Variants in RBFOX1 observed in about 807,000 individuals in gnomAD.
RBFOX1 encodes RNA binding fox-1 homolog 1.
A neutral mutation model predicts 57.7 loss-of-function variants in RBFOX1; 8 were observed. The observed-to-expected ratio is 0.14, with a 90% CI of 0.08 to 0.25. RBFOX1 has a LOEUF of 0.25. Ranked by LOEUF, RBFOX1 falls within the 10% of genes least tolerant of loss-of-function variation. The pLI is 1.00. For missense variants in RBFOX1, 611 were observed against 548.5 expected, an observed-to-expected ratio of 1.11 and a Z score of -1.14; for synonymous variants, 326 against 222.4, an observed-to-expected ratio of 1.47 and a Z score of -4.15.
chr16:6,697,202 A>G (rs904525446), intron 3 of RBFOX1, among the ~76,000 whole-genome samples: 4 of 152,208 alleles, frequency 2.6e-5, no homozygotes, highest in Admixed American at 2.0e-4. Context: ...TAATATGTAT[A>G]TATGGTATAG....
intron 4 of RBFOX1, among the ~76,000 whole-genome samples, chr16:7,133,774 C>G (rs964045390): frequency 6.6e-6 from 1 of 152,018 alleles, no homozygotes; most frequent in Non-Finnish European, 1.5e-5. Context: ...AATAATTGAT[C>G]TGCCATGAAA....
At chr16:7,109,845 G>A (rs551433103) in intron 4 of RBFOX1, among the ~76,000 whole-genome samples, 6 of 152,268 alleles carry the variant, frequency 3.9e-5, no homozygotes, top group African/African-American at 1.2e-4. Context: ...GTGATGAGGT[G>A]AGGTGCTAGG....
chr16:6,721,385 G>A (rs1314277426), intron 3 of RBFOX1, among the ~76,000 whole-genome samples: 1 of 152,198 alleles, frequency 6.6e-6, no homozygotes, highest in Non-Finnish European at 1.5e-5. Context: ...GGAGGTTACA[G>A]TGAGCCGAGA....
intron 1 of RBFOX1, among the ~76,000 whole-genome samples, chr16:5,409,000 A>C (rs1204863478): frequency 6.6e-6 from 1 of 152,212 alleles, no homozygotes; most frequent in Non-Finnish European, 1.5e-5. Context: ...GGCGACAAAT[A>C]TACAAACTGT....
At chr16:7,517,138 CGTGTGTGT>C (rs200887129) in intron 4 of RBFOX1, among the ~76,000 whole-genome samples, 20,878 of 130,014 alleles carry the variant, frequency 0.16, 1,717 homozygotes, top group African/African-American at 0.2. Context: ...TTTCTTATGC[CGTGTGTGT>C]GTGTGTGTGT....
intron 14 of RBFOX1, among the ~76,000 whole-genome samples, chr16:7,679,054 G>A (rs954675152): frequency 6.6e-6 from 1 of 152,136 alleles, no homozygotes; most frequent in African/African-American, 2.4e-5. Flanking sequence ...TTTATCATAA[G>A]CAAGACACTT....
chr16:6,205,853 C>T lies in RBFOX1; in HGVS notation c.-126-111142C>T, dbSNP rs952855403. On this transcript the variant is annotated intron_variant, in intron 1 of 15. Transcript: ENST00000550418. ...GCATTTCCCTTTGAACAAGAGCCTA[C>T]GAGATCATACTTTTTTTTTTTTTTT... Among the ~76,000 whole-genome samples the T allele has an allele frequency of 9.5e-5, 12 of 126,656 alleles. No individual in the cohort carries two copies. In the East Asian group the frequency reaches 1.2e-3, roughly 12 times the overall value. The allele number at this position is 126,656 out of a possible 152,430, so 83.1% of individuals were successfully genotyped here. A position where few individuals can be genotyped will look rare whatever the true frequency, so the allele number is the denominator to read the frequency against.
At chr16:6,384,373 T>G (rs1270441331) in intron 2 of RBFOX1, among the ~76,000 whole-genome samples, 2 of 152,170 alleles carry the variant, frequency 1.3e-5, no homozygotes, top group African/African-American at 4.8e-5. Context: ...CCCTGCCCCC[T>G]GTTTTGCATT....
In RBFOX1 at chr16:6,898,530, G is replaced by C. The variant is rs978543780; in HGVS notation, c.-15-153527G>C. 3.9e-5 allele frequency among the ~76,000 whole-genome samples: 6 copies of C among 152,128 alleles called. No homozygotes were observed. In the South Asian group the frequency reaches 1.2e-3, roughly 32 times the overall value. On this transcript the variant is annotated intron_variant, in intron 3 of 15. Coordinates refer to ENST00000550418, the MANE Select transcript of RBFOX1 (RefSeq NM_018723.4). The stretch of plus-strand genomic sequence containing the variant: ...ACAAACTGAAAAACAAAGTACAGAC[G>C]CAAAGGAAACAGAACATGGATTCTG...
At position 6,797,096 on chromosome 16, in the gene RBFOX1, C is replaced by G. The variant is rs183756452; in HGVS notation, c.-16+142446C>G. ...CAAATAAATAGAGTAACACATCGAT[C>G]CTCCCACAGGTAGAAGGCTCTGCTG... On this transcript the variant is annotated intron_variant, in intron 3 of 15. Coordinates refer to ENST00000550418, the MANE Select transcript of RBFOX1 (RefSeq NM_018723.4). 7.2e-5 allele frequency among the ~76,000 whole-genome samples: 11 copies of G among 152,232 alleles called. No individual in the cohort carries two copies. The East Asian group carries it at 1.2e-3, about 16-fold the overall frequency.
At chr16:5,925,581 C>G (rs538960655) in intron 4 of RBFOX1, among the ~76,000 whole-genome samples, 1 of 152,262 alleles carries the variant, frequency 6.6e-6, no homozygotes, top group South Asian at 2.1e-4. Flanking sequence ...GGTTGCATAA[C>G]ATTGTGAATG....
chr16:5,721,810 C>A (rs1433493062), intron 3 of RBFOX1, among the ~76,000 whole-genome samples: 1 of 152,162 alleles, frequency 6.6e-6, no homozygotes, highest in East Asian at 1.9e-4. Flanking sequence ...CCTGTGGAAA[C>A]CTTCGCAAAG....
At chr16:7,684,397 A>G (rs1054360299) in intron 14 of RBFOX1, among the ~76,000 whole-genome samples, 2 of 152,124 alleles carry the variant, frequency 1.3e-5, no homozygotes, top group Admixed American at 6.5e-5. Flanking sequence ...AGGAGTAACT[A>G]GTCACTTTTC....
intron 3 of RBFOX1, among the ~76,000 whole-genome samples, chr16:5,663,836 G>A (rs563788061): frequency 6.6e-6 from 1 of 152,312 alleles, no homozygotes; most frequent in East Asian, 1.9e-4. Context: ...AAAGGCAGCT[G>A]TGCATTTTAG....
At chr16:7,184,856 A>C (rs1018662061) in intron 4 of RBFOX1, among the ~76,000 whole-genome samples, 1 of 152,158 alleles carries the variant, frequency 6.6e-6, no homozygotes, top group African/African-American at 2.4e-5. Flanking sequence ...TGTGTGTTGA[A>C]GTGTTACTAA....
chr16:6,020,136 CA>C, intron 1 of RBFOX1, 144 bp downstream of exon 1: 1 of 1,010,266 alleles, frequency 9.9e-7, no homozygotes, highest in Non-Finnish European at 1.3e-6. Flanking sequence ...GGAACTTTTT[CA>C]GGGTGTGTGG....
chr16:7,093,146 C>G (rs1487328793), intron 4 of RBFOX1, among the ~76,000 whole-genome samples: 1 of 152,212 alleles, frequency 6.6e-6, no homozygotes, highest in Non-Finnish European at 1.5e-5. Flanking sequence ...AATTCTGATT[C>G]AGAAATTCGT....
chr16:6,652,172 A>G (rs12929099), intron 2 of RBFOX1, among the ~76,000 whole-genome samples: 31,615 of 152,098 alleles, frequency 0.21, 3,354 homozygotes, highest in African/African-American at 0.22. Context: ...AGATGGCCAC[A>G]CCTTACGGTG....
Position 7,212,111 on chromosome 16 carries a change from A to T in RBFOX1, c.27+160013A>T, listed in dbSNP as rs183927587. ...GATGATCAGCGGTCAAAAGAGAATCATGCATGGAAGGAAGGTGGATAGGAT... is the reference window on the plus strand; with the variant it reads ...GATGATCAGCGGTCAAAAGAGAATCTTGCATGGAAGGAAGGTGGATAGGAT... On this transcript the variant is annotated intron_variant, in intron 4 of 15. Coordinates refer to ENST00000550418, the MANE Select transcript of RBFOX1 (RefSeq NM_018723.4). 3.6e-4 allele frequency among the ~76,000 whole-genome samples: 55 copies of T among 152,308 alleles called. 2 individuals carry two copies. In the East Asian group the frequency reaches 6.8e-3, roughly 19 times the overall value.
Sources: allele counts gnomAD v4.1 joint callset (sites outside exome capture counted in the v4.1 genomes callset), GRCh38; gene constraint gnomAD v4.1.1; transcripts MANE v1.5; gene names NCBI Gene and HGNC (gene_info 2026-07-23, HGNC 2026-07-21).